The following CSMD1 variants were observed in gnomAD, a reference collection of about 807,000 sequenced individuals.
The protein encoded by CSMD1 is CUB and Sushi multiple domains 1.
CSMD1 carries 213 observed loss-of-function variants against 417.5 expected under a neutral mutation model. The ratio of observed to expected loss-of-function variants is 0.51; its 90% CI spans 0.46 to 0.57. The LOEUF is 0.57. Among genes scored for constraint, CSMD1 ranks in the 20% least tolerant of loss-of-function variants. The pLI is 0.00. For missense variants in CSMD1, 6,923 were observed against 4,529.7 expected (o/e 1.53, Z -15.17); for synonymous variants, 2,862 against 1,736.8 (o/e 1.65, Z -16.11).
intron 10 of CSMD1, among the ~76,000 whole-genome samples, chr8:3,570,889 A>G (rs528470775): frequency 1.3e-5 from 2 of 152,308 alleles, no homozygotes; most frequent in East Asian, 3.9e-4. Flanking sequence ...TAGGAACTCT[A>G]AGCTTCTTTT....
chr8:4,756,907 T>C (rs946425834), intron 1 of CSMD1, among the ~76,000 whole-genome samples: 14 of 152,232 alleles, frequency 9.2e-5, no homozygotes, highest in African/African-American at 3.1e-4. Flanking sequence ...AATCATCCTT[T>C]AACCGGAAAC....
chr8:4,814,043 A>T lies in CSMD1; in HGVS notation c.86-176485T>A, dbSNP rs576626341. ...CTTCATCACATTTAAAGGAGAAAGT[A>T]ATGTACAGTTTTGATGGCAATAACC... On this transcript the variant is annotated intron_variant, in intron 1 of 69. Transcript: ENST00000635120. Among the ~76,000 whole-genome samples, 13 of 152,374 alleles carry T rather than the reference A, an allele frequency of 8.5e-5. No homozygotes were observed. The East Asian group carries it at 2.1e-3, about 25-fold the overall frequency.
At chr8:2,940,464 CACCG>C (rs1777308241) in intron 69 of CSMD1, among the ~76,000 whole-genome samples, 1 of 152,104 alleles carries the variant, frequency 6.6e-6, no homozygotes, top group Admixed American at 6.6e-5. Flanking sequence ...ACAGATTCCC[CACCG>C]ACCCAGAGGA....
chr8:4,910,899 C>A (rs1195265657), intron 1 of CSMD1, among the ~76,000 whole-genome samples: 2 of 152,094 alleles, frequency 1.3e-5, no homozygotes, highest in South Asian at 2.1e-4. Flanking sequence ...TGAAAGGGAC[C>A]CAGTGGGAGG....
At chr8:3,583,136 T>A (rs889557397) in intron 9 of CSMD1, among the ~76,000 whole-genome samples, 9 of 152,052 alleles carry the variant, frequency 5.9e-5, no homozygotes, top group African/African-American at 2.2e-4. Flanking sequence ...TAACAGCCTG[T>A]CTTTCAGAAT....
chr8:4,871,070 G>T (rs1323119914), intron 1 of CSMD1, among the ~76,000 whole-genome samples: 2 of 152,160 alleles, frequency 1.3e-5, no homozygotes, highest in Admixed American at 1.3e-4. Flanking sequence ...TGAGGCAGTT[G>T]CAACAGCTCT....
At position 3,984,609 on chromosome 8, in the gene CSMD1, C is replaced by T. The variant is rs190310684; in HGVS notation, c.818+13294G>A. Among the ~76,000 whole-genome samples, 10 of 149,634 alleles carry T rather than the reference C, an allele frequency of 6.7e-5. No homozygotes were observed. In the East Asian group the frequency reaches 1.8e-3, roughly 27 times the overall value. On this transcript the variant is annotated intron_variant, in intron 5 of 69. Transcript: ENST00000635120. ...TGGATTCTTCAAGTAAGAAAAAATA[C>T]AGCTAGGGGTTTCATTTGAACAAAA...
intron 3 of CSMD1, among the ~76,000 whole-genome samples, chr8:4,081,647 G>C (rs181946030): frequency 2.0e-5 from 3 of 152,116 alleles, no homozygotes; most frequent in African/African-American, 4.8e-5. Context: ...GACTAAAATA[G>C]ATACTATGCT....
intron 3 of CSMD1, among the ~76,000 whole-genome samples, chr8:4,238,193 G>A (rs1012486856): frequency 4.6e-5 from 7 of 152,164 alleles, no homozygotes; most frequent in Non-Finnish European, 8.8e-5. Context: ...CAAGTACGTC[G>A]ATATTAACAC....
chr8:4,132,837 T>C (rs145202619), intron 3 of CSMD1, among the ~76,000 whole-genome samples: 3 of 152,176 alleles, frequency 2.0e-5, no homozygotes, highest in Admixed American at 6.6e-5. Flanking sequence ...GATAGACAGT[T>C]TGTAGCTCAA....
rs572466876 is a variant in CSMD1, at chr8:4,264,511, C to A, written c.415+155442G>T. On this transcript the variant is annotated intron_variant, in intron 3 of 69. Transcript: ENST00000635120. ...AGTTTACAAGCTAATGTGTACCCCC[C>A]CTGAAGCTGAGAAGCTCCGTTACTT... 2.9e-4 allele frequency among the ~76,000 whole-genome samples: 44 copies of A among 152,228 alleles called. No homozygotes were observed. The South Asian group carries it at 4.6e-3, about 16-fold the overall frequency.
chr8:3,354,188 T>C (rs1417170495), intron 21 of CSMD1, among the ~76,000 whole-genome samples: 1 of 152,222 alleles, frequency 6.6e-6, no homozygotes, highest in Non-Finnish European at 1.5e-5. Flanking sequence ...GCCTATTCAA[T>C]ACAGTTAAAT....
intron 3 of CSMD1, among the ~76,000 whole-genome samples, chr8:4,379,234 G>T (rs1280331627): frequency 6.6e-6 from 1 of 152,136 alleles, no homozygotes; most frequent in Non-Finnish European, 1.5e-5. Context: ...GAAAATATCA[G>T]AAAGCCTCAA....
At chr8:4,874,770 G>T (rs1318600884) in intron 1 of CSMD1, among the ~76,000 whole-genome samples, 1 of 150,692 alleles carries the variant, frequency 6.6e-6, no homozygotes, top group Non-Finnish European at 1.5e-5. Flanking sequence ...CATATAGACA[G>T]AAAGAAATAG....
chr8:3,802,220 T>C (rs1800494237), intron 5 of CSMD1, among the ~76,000 whole-genome samples: 2 of 152,148 alleles, frequency 1.3e-5, no homozygotes, highest in African/African-American at 4.8e-5. Context: ...TGTAAATTCT[T>C]AAAAATATAC....
At chr8:3,793,791 A>C (rs1446106665) in intron 5 of CSMD1, among the ~76,000 whole-genome samples, 1 of 151,834 alleles carries the variant, frequency 6.6e-6, no homozygotes. Context: ...CTTGCCTTCT[A>C]CCTCCTTTTA....
At chr8:4,027,799 A>G (rs909301257) in intron 4 of CSMD1, among the ~76,000 whole-genome samples, 1 of 152,206 alleles carries the variant, frequency 6.6e-6, no homozygotes, top group Non-Finnish European at 1.5e-5. Context: ...AATGGAAGTA[A>G]GGCCAAGACA....
chr8:3,773,365 C>T (rs900143340), intron 5 of CSMD1, among the ~76,000 whole-genome samples: 4 of 152,160 alleles, frequency 2.6e-5, no homozygotes, highest in Non-Finnish European at 5.9e-5. Context: ...CTCACTGTAG[C>T]CTCGACTACA....
intron 2 of CSMD1, among the ~76,000 whole-genome samples, chr8:4,465,739 T>G (rs970147833): frequency 6.6e-6 from 1 of 152,162 alleles, no homozygotes; most frequent in African/African-American, 2.4e-5. Flanking sequence ...TTGGAGGAAC[T>G]CTAGTTTGTA....
Sources: gnomAD v4.1 joint callset for allele counts (sites outside exome capture counted in the v4.1 genomes callset) on GRCh38, gnomAD v4.1.1 for gene constraint, MANE v1.5 for transcripts, NCBI Gene and HGNC (gene_info 2026-07-23, HGNC 2026-07-21) for gene names.